The following UST variants were observed in gnomAD, a reference collection of about 807,000 sequenced individuals.
UST encodes the protein chondroitin sulfate 2-O-sulfotransferase.
In UST, 21 loss-of-function variants were observed where a neutral mutation model predicts 45.6. The ratio of observed to expected loss-of-function variants is 0.46; its 90% CI spans 0.33 to 0.66. The LOEUF is 0.66. Among genes scored for constraint, UST ranks in the 30% least tolerant of loss-of-function variants. The pLI, the probability that UST is intolerant of heterozygous loss-of-function variation, is 0.02. For synonymous variants in UST, 215 were observed against 200.6 expected, an observed-to-expected ratio of 1.07 and a Z score of -0.61; for missense variants, 463 against 512.4, an observed-to-expected ratio of 0.90 and a Z score of 0.93.
rs904174370 is a variant in UST at position 148,988,866 on chromosome 6, T to C, written c.681+24303T>C. 4.6e-5 allele frequency among the ~76,000 whole-genome samples: 7 copies of C among 152,196 alleles called. 1 individual carries two copies. The highest frequency in any genetic ancestry group is 1.0e-4 in the Non-Finnish European group (7 of 68,034). ...ATCTCTCCTTCTCCTCCTTGTCCTCTGCTCCTGTTAATTCACTGATCCACT... is the reference window on the plus strand; with the variant it reads ...ATCTCTCCTTCTCCTCCTTGTCCTCCGCTCCTGTTAATTCACTGATCCACT... On this transcript the variant is annotated intron_variant, in intron 5 of 7. Transcript: ENST00000367463.
At chr6:148,825,688 T>C (rs749316365) in intron 1 of UST, among the ~76,000 whole-genome samples, 8 of 152,300 alleles carry the variant, frequency 5.3e-5, no homozygotes, top group Middle Eastern at 3.4e-3. Context: ...AACATTGCCA[T>C]GAGCTCAACA....
At chr6:148,910,468 T>A (rs2086614) in intron 2 of UST, among the ~76,000 whole-genome samples, 2 of 152,004 alleles carry the variant, frequency 1.3e-5, no homozygotes, top group Non-Finnish European at 1.5e-5. Flanking sequence ...CTTTCCTTCC[T>A]TCAGAACCCT....
intron 1 of UST, among the ~76,000 whole-genome samples, chr6:148,779,892 G>A (rs1454296701): frequency 6.6e-6 from 1 of 152,038 alleles, no homozygotes; most frequent in Non-Finnish European, 1.5e-5. Flanking sequence ...CTGCCTCTGT[G>A]AACTGCTGTG....
chr6:149,059,825 T>C (rs906721699), intron 7 of UST, among the ~76,000 whole-genome samples: 3 of 152,104 alleles, frequency 2.0e-5, no homozygotes, highest in Admixed American at 6.5e-5. Context: ...GGCAATAACC[T>C]AGAAGCCCGT....
chr6:148,977,007 A>G, intron 5 of UST, among the ~76,000 whole-genome samples: 1 of 152,066 alleles, frequency 6.6e-6, no homozygotes, highest in South Asian at 2.1e-4. Context: ...TTAAATTAAA[A>G]TCTTTAATAC....
chr6:148,801,245 T>G (rs1392474344), intron 1 of UST, among the ~76,000 whole-genome samples: 1 of 152,182 alleles, frequency 6.6e-6, no homozygotes, highest in Non-Finnish European at 1.5e-5. Flanking sequence ...TAATTTAATT[T>G]TATAGCTTTG....
intron 2 of UST, among the ~76,000 whole-genome samples, chr6:148,933,413 T>G (rs1185810551): frequency 1.3e-5 from 2 of 152,162 alleles, no homozygotes; most frequent in Non-Finnish European, 2.9e-5. Context: ...CTATATTTAT[T>G]TTTCTGTAGG....
intron 1 of UST, among the ~76,000 whole-genome samples, chr6:148,778,804 C>T (rs1776582370): frequency 6.6e-6 from 1 of 152,186 alleles, no homozygotes; most frequent in Admixed American, 6.5e-5. Flanking sequence ...GTTATAAAGC[C>T]ATTACATGGT....
chr6:148,758,732 G>A (rs1245819794), intron 1 of UST, among the ~76,000 whole-genome samples: 1 of 152,172 alleles, frequency 6.6e-6, no homozygotes, highest in Non-Finnish European at 1.5e-5. Flanking sequence ...GCCTTGCTCT[G>A]TTAGCCTCCA....
intron 5 of UST, among the ~76,000 whole-genome samples, chr6:148,974,607 C>G (rs1780981774): frequency 6.6e-6 from 1 of 152,188 alleles, no homozygotes; most frequent in African/African-American, 2.4e-5. Flanking sequence ...CACACAGCCT[C>G]TAGAACAAAC....
intron 1 of UST, among the ~76,000 whole-genome samples, chr6:148,751,682 TA>T (rs1027089023): frequency 1.3e-5 from 2 of 151,972 alleles, no homozygotes; most frequent in Non-Finnish European, 2.9e-5. Flanking sequence ...TAAATAGAAA[TA>T]TATAGCAAAT....
chr6:148,789,763 A>G (rs902067724), intron 1 of UST, among the ~76,000 whole-genome samples: 7 of 151,734 alleles, frequency 4.6e-5, no homozygotes, highest in Admixed American at 1.3e-4. Context: ...ACACCCAGCT[A>G]GTTTTTGTAT....
In UST at chr6:148,803,848, G is replaced by A. The variant is rs551227935; in HGVS notation, c.247+56171G>A. On this transcript the variant is annotated intron_variant, in intron 1 of 7. Transcript: ENST00000367463. ...CCTGCTGCAGGACCTTTGCACATGC[G>A]GGATTCACCTGGGATAGTCTGACAT... Among the ~76,000 whole-genome samples, 66 of 152,206 alleles carry A rather than the reference G, an allele frequency of 4.3e-4. 1 individual carries two copies. Among genetic ancestry groups the A allele is most frequent in the African/African-American group, 1.5e-3 (62 of 41,528 alleles).
In UST at chr6:148,819,062, T is replaced by C. The variant is rs565961090; in HGVS notation, c.248-67924T>C. ...GTTAATACTCATTGAATTTTCACTT[T>C]CATGGAGAGGCTGCATTTGAAGCAA... On this transcript the variant is annotated intron_variant, in intron 1 of 7. Coordinates refer to ENST00000367463, the MANE Select transcript of UST (RefSeq NM_005715.3). Among the ~76,000 whole-genome samples the C allele has an allele frequency of 3.9e-5, 6 of 152,328 alleles. No individual in the cohort carries two copies. The South Asian group carries it at 1.2e-3, about 32-fold the overall frequency.
chr6:148,930,088 C>G (rs1395807397), intron 2 of UST, among the ~76,000 whole-genome samples: 1 of 152,162 alleles, frequency 6.6e-6, no homozygotes, highest in Admixed American at 6.5e-5. Flanking sequence ...AGACTCCGTT[C>G]AAATGCCGTG....
intron 2 of UST, among the ~76,000 whole-genome samples, chr6:148,917,404 C>T (rs1222818016): frequency 6.6e-6 from 1 of 152,102 alleles, no homozygotes; most frequent in Non-Finnish European, 1.5e-5. Context: ...CTCACAAAAG[C>T]TGAAGTCACA....
At chr6:149,037,118 G>A (rs1776250066) in intron 7 of UST, among the ~76,000 whole-genome samples, 1 of 152,066 alleles carries the variant, frequency 6.6e-6, no homozygotes, top group African/African-American at 2.4e-5. Context: ...GCCTCGGGGG[G>A]TGAGCACAGC....
intron 1 of UST, among the ~76,000 whole-genome samples, chr6:148,843,711 A>T (rs933851574): frequency 3.3e-5 from 5 of 152,230 alleles, no homozygotes; most frequent in Non-Finnish European, 5.9e-5. Context: ...AAAACACCTC[A>T]CTAGCCATGC....
chr6:148,786,200 T>G (rs1466631286), intron 1 of UST, among the ~76,000 whole-genome samples: 5 of 152,152 alleles, frequency 3.3e-5, no homozygotes, highest in Admixed American at 2.0e-4. Flanking sequence ...ATAAAAGGGT[T>G]TTTATACTAT....
Sources: allele counts gnomAD v4.1 joint callset (sites outside exome capture counted in the v4.1 genomes callset), GRCh38; gene constraint gnomAD v4.1.1; transcripts MANE v1.5; gene names NCBI Gene and HGNC (gene_info 2026-07-23, HGNC 2026-07-21).